The following DSCAM variants were observed in gnomAD, a reference collection of about 807,000 sequenced individuals.
DSCAM encodes cell adhesion molecule DSCAM.
Under a neutral mutation model 217.7 loss-of-function variants are expected in DSCAM, and 47 were observed. The observed-to-expected ratio is 0.22, with a 90% CI of 0.17 to 0.28. The LOEUF is 0.28. Among genes scored for constraint, DSCAM ranks in the 10% least tolerant of loss-of-function variants. The probability of loss-of-function intolerance (pLI) is 1.00; values close to 1 mark genes in which losing one functional copy is unlikely to be tolerated. For synonymous variants in DSCAM, 1,056 were observed against 1,015.3 expected (o/e 1.04, Z -0.76); for missense variants, 2,080 against 2,618.3 (o/e 0.79, Z 4.49).
intron 11 of DSCAM, among the ~76,000 whole-genome samples, chr21:40,253,824 A>G (rs2073336985): frequency 6.6e-6 from 1 of 152,244 alleles, no homozygotes. Context: ...GTACCTGTGC[A>G]TCTGGCTGTT....
At chr21:40,630,438 A>G (rs962436671) in intron 3 of DSCAM, among the ~76,000 whole-genome samples, 1 of 152,148 alleles carries the variant, frequency 6.6e-6, no homozygotes, top group African/African-American at 2.4e-5. Context: ...AGCTGGGATT[A>G]CAGGTGCACG....
At chr21:40,622,452 C>T (rs932861921) in intron 3 of DSCAM, among the ~76,000 whole-genome samples, 3 of 151,988 alleles carry the variant, frequency 2.0e-5, no homozygotes, top group African/African-American at 7.3e-5. Context: ...GGTTTCCCTC[C>T]CCACCGACAC....
In DSCAM at chr21:40,055,870, A is replaced by G. The variant is rs1396532128; in HGVS notation, c.4920-30T>C. 4 of 1,547,726 alleles carry G rather than the reference A, an allele frequency of 2.6e-6. No homozygotes were observed. The African/African-American group carries it at 5.4e-5, about 21-fold the overall frequency. On this transcript the variant is annotated intron_variant, in intron 28 of 32. Coordinates refer to ENST00000400454, the MANE Select transcript of DSCAM (RefSeq NM_001389.5). The stretch of plus-strand genomic sequence containing the variant: ...GAATAAAATGGGGTAATGCATTAAC[A>G]AATCCAGTTCAGTGTTAACATTCTA...
intron 3 of DSCAM, among the ~76,000 whole-genome samples, chr21:40,374,137 G>A (rs995661970): frequency 5.3e-5 from 8 of 152,032 alleles, no homozygotes; most frequent in African/African-American, 1.9e-4. Flanking sequence ...ATACACATAG[G>A]TGTGTATATA....
At chr21:40,110,964 GA>G (rs2089891630) in intron 20 of DSCAM, among the ~76,000 whole-genome samples, 1 of 152,218 alleles carries the variant, frequency 6.6e-6, no homozygotes, top group Non-Finnish European at 1.5e-5. Flanking sequence ...GTGACAGAGA[GA>G]ATGGAACCAA....
chr21:40,281,926 C>T (rs772077926), intron 10 of DSCAM, among the ~76,000 whole-genome samples: 2 of 151,988 alleles, frequency 1.3e-5, no homozygotes, highest in Admixed American at 6.6e-5. Flanking sequence ...TTTTTGTTCT[C>T]GTTGCTTCAA....
intron 3 of DSCAM, among the ~76,000 whole-genome samples, chr21:40,561,718 C>T (rs533729956): frequency 1.8e-4 from 28 of 152,222 alleles, no homozygotes; most frequent in African/African-American, 5.3e-4. Flanking sequence ...GATCTCCCAA[C>T]GACATGCTTT....
intron 3 of DSCAM, among the ~76,000 whole-genome samples, chr21:40,576,840 G>C (rs956339665): frequency 2.0e-5 from 3 of 151,780 alleles, no homozygotes; most frequent in African/African-American, 7.3e-5. Flanking sequence ...TCATAAAAAG[G>C]GCTAAGATCA....
At chr21:40,026,662 A>AT (rs2088391329) in intron 32 of DSCAM, among the ~76,000 whole-genome samples, 1 of 129,738 alleles carries the variant, frequency 7.7e-6, no homozygotes, top group Non-Finnish European at 1.7e-5. Context: ...TTGTTGGCTT[A>AT]AAGTCTGTTT....
At chr21:40,155,963 G>A (rs1264724794) in intron 16 of DSCAM, among the ~76,000 whole-genome samples, 3 of 151,970 alleles carry the variant, frequency 2.0e-5, no homozygotes, top group South Asian at 2.1e-4. Context: ...GCCAGGAGTC[G>A]CCCCAGCCAG....
chr21:40,723,150 G>A (rs2090920159), intron 1 of DSCAM, among the ~76,000 whole-genome samples: 1 of 150,296 alleles, frequency 6.7e-6, no homozygotes, highest in Non-Finnish European at 1.5e-5. Flanking sequence ...TTTTTGTTGA[G>A]ATGTAGGTTG....
intron 1 of DSCAM, among the ~76,000 whole-genome samples, chr21:40,846,208 G>A (rs2092144146): frequency 2.6e-5 from 4 of 152,120 alleles, no homozygotes; most frequent in Admixed American, 2.0e-4. Flanking sequence ...TCTGAAGGGA[G>A]ATGTTCCTCA....
At chr21:40,701,822 C>G (rs961290239) in intron 2 of DSCAM, among the ~76,000 whole-genome samples, 1 of 152,032 alleles carries the variant, frequency 6.6e-6, no homozygotes, top group Non-Finnish European at 1.5e-5. Context: ...ACAAATTTAT[C>G]TGAGATTTGT....
At chr21:40,578,127 C>CCTCATG (rs768143008) in intron 3 of DSCAM, among the ~76,000 whole-genome samples, 4 of 152,094 alleles carry the variant, frequency 2.6e-5, no homozygotes, top group Non-Finnish European at 4.4e-5. Flanking sequence ...ACAGAAGAAC[C>CCTCATG]CTCATGCACT....
intron 3 of DSCAM, among the ~76,000 whole-genome samples, chr21:40,679,022 G>C (rs1003683044): frequency 1.3e-5 from 2 of 152,200 alleles, no homozygotes; most frequent in African/African-American, 4.8e-5. Flanking sequence ...CTGGGAATTT[G>C]AAATGTCGAT....
At chr21:40,085,463 T>C (rs1375184874) in intron 23 of DSCAM, 139 bp downstream of exon 23, 3 of 718,976 alleles carry the variant, frequency 4.2e-6, no homozygotes, top group East Asian at 3.2e-5. Flanking sequence ...AAAATGAACA[T>C]GTGTTTTCTT....
chr21:40,448,288 A>G (rs2075691302), intron 3 of DSCAM, among the ~76,000 whole-genome samples: 1 of 152,204 alleles, frequency 6.6e-6, no homozygotes, highest in Admixed American at 6.5e-5. Context: ...TGAAGGCCCA[A>G]ATAGAACAAA....
At chr21:40,079,104 GC>G in intron 25 of DSCAM, 127 bp from the exon 26 acceptor site, 1 of 1,038,886 alleles carries the variant, frequency 9.6e-7, no homozygotes, top group Non-Finnish European at 1.4e-6. Context: ...TGGCTCACAG[GC>G]CACTGGCAAC....
chr21:40,155,702 C>T (rs552799423), intron 16 of DSCAM, among the ~76,000 whole-genome samples: 18 of 152,012 alleles, frequency 1.2e-4, no homozygotes, highest in Non-Finnish European at 2.5e-4. Context: ...AGGGGAGGGC[C>T]AATCATGATC....
Sources: allele counts gnomAD v4.1 joint callset (sites outside exome capture counted in the v4.1 genomes callset), GRCh38; gene constraint gnomAD v4.1.1; transcripts MANE v1.5; gene names NCBI Gene and HGNC (gene_info 2026-07-23, HGNC 2026-07-21).